MAP3K4: variants seen among roughly 807,000 people sequenced by gnomAD.
MAP3K4 encodes the protein mitogen-activated protein kinase kinase kinase 4.
Under a neutral mutation model 185.6 loss-of-function variants are expected in MAP3K4, and 67 were observed. That is an observed-to-expected ratio of 0.36 (90% CI 0.30 to 0.44). The LOEUF (loss-of-function observed/expected upper bound fraction) is 0.44, where lower values mean the gene tolerates loss of function less well. Ranked by LOEUF, MAP3K4 falls within the 20% of genes least tolerant of loss-of-function variation. MAP3K4 has a pLI of 1.00. For missense variants in MAP3K4, 1,551 were observed against 1,995.1 expected, an observed-to-expected ratio of 0.78 and a Z score of 4.24; for synonymous variants, 702 against 710.4, an observed-to-expected ratio of 0.99 and a Z score of 0.19.
chr6:161,091,106 T>A lies in MAP3K4; in HGVS notation c.2974-273T>A, dbSNP rs947843320. On this transcript the variant is annotated intron_variant, in intron 11 of 26. Transcript: ENST00000392142. This position sits in a 1 kb window ranked among gnomAD's most constrained non-coding sequence, Gnocchi z 5.5. ...TCCAGGAGGAGAAAACAACAGGTGG[T>A]TGATGTATAAAAATATTGAAGATAA... is the stretch of plus-strand genomic sequence containing the variant. Among the ~76,000 whole-genome samples, 3 of 152,174 alleles carry A rather than the reference T, an allele frequency of 2.0e-5. No homozygotes were observed. The highest frequency in any genetic ancestry group is 4.4e-5 in the Non-Finnish European group (3 of 68,038).
chr6:161,041,589 A>G (rs1358250999), intron 2 of MAP3K4, among the ~76,000 whole-genome samples: 4 of 152,222 alleles, frequency 2.6e-5, no homozygotes, highest in African/African-American at 9.6e-5. Flanking sequence ...TTGCAGCAGC[A>G]GCTTTAGATC....
intron 1 of MAP3K4, among the ~76,000 whole-genome samples, chr6:161,016,730 T>G (rs992521854): frequency 6.6e-6 from 1 of 152,354 alleles, no homozygotes. Flanking sequence ...TATCACACTC[T>G]TAATTACCTT....
In MAP3K4 at chr6:161,054,176, C is replaced by CA. The variant is rs1409047523; in HGVS notation, c.1707+4198dup. ...TTTACAAAATAATTTTTTTTTGAGA[C>CA]AGAGTTTCGCTCTTGTTGCCCAGGC... is the stretch of plus-strand genomic sequence containing the variant. On this transcript the variant is annotated intron_variant, in intron 3 of 26. Coordinates refer to ENST00000392142, the MANE Select transcript of MAP3K4 (RefSeq NM_005922.4). The surrounding 1 kb of genome is among the most constrained non-coding windows in gnomAD (Gnocchi z 4.2). Among the ~76,000 whole-genome samples the CA allele has an allele frequency of 6.6e-6, 1 of 152,004 alleles. No individual in the cohort carries two copies. The highest frequency in any genetic ancestry group is 2.4e-5 in the African/African-American group (1 of 41,400).
intron 19 of MAP3K4, among the ~76,000 whole-genome samples, 185 bp downstream of exon 19, chr6:161,102,964 A>G (rs1264095751): frequency 1.3e-5 from 2 of 152,104 alleles, no homozygotes; most frequent in Non-Finnish European, 2.9e-5. Flanking sequence ...TACATTTCCT[A>G]TTTCTAGTAA....
intron 2 of MAP3K4, among the ~76,000 whole-genome samples, chr6:161,035,658 G>A (rs563338664): frequency 9.1e-4 from 138 of 152,256 alleles, no homozygotes; most frequent in Non-Finnish European, 1.7e-3. Context: ...ACTGCAATTT[G>A]TCATCTTGAA....
chr6:161,084,250 A>G lies in MAP3K4; in HGVS notation c.2256-251A>G, dbSNP rs1327157627. 1.3e-5 allele frequency among the ~76,000 whole-genome samples: 2 copies of G among 152,234 alleles called. No homozygotes were observed. Among genetic ancestry groups the G allele is most frequent in the Non-Finnish European group, 2.9e-5 (2 of 68,048 alleles). The stretch of plus-strand genomic sequence containing the variant: ...TTTGTGTACTAATTCCATAGCTACT[A>G]TGAATACAGTTTAAGATTTTAAGGT... On this transcript the variant is annotated intron_variant, in intron 6 of 26. Coordinates refer to ENST00000392142, the MANE Select transcript of MAP3K4 (RefSeq NM_005922.4). This position sits in a 1 kb window ranked among gnomAD's most constrained non-coding sequence, Gnocchi z 4.6.
intron 19 of MAP3K4, among the ~76,000 whole-genome samples, 165 bp downstream of exon 19, chr6:161,102,944 T>C (rs1004033075): frequency 1.3e-5 from 2 of 152,234 alleles, no homozygotes; most frequent in Non-Finnish European, 2.9e-5. Context: ...TATCATGTAC[T>C]GTGTTTGTGT....
rs541706423 is a variant in MAP3K4, at chr6:161,022,278, T to A, written c.153-11981T>A. On this transcript the variant is annotated intron_variant, in intron 1 of 26. Coordinates refer to ENST00000392142, the MANE Select transcript of MAP3K4 (RefSeq NM_005922.4). This position sits in a 1 kb window ranked among gnomAD's most constrained non-coding sequence, Gnocchi z 4.2. ...AGGAGACGATTTCAGTTAGACCTTT[T>A]ATTTGACATATACAGATAAATAAAC... The A allele has an allele frequency of 1.3e-5, 2 of 152,348 alleles. No individual in the cohort carries two copies. The highest frequency in any genetic ancestry group is 2.1e-4 in the South Asian group (1 of 4,828). 9.4% of individuals were successfully genotyped at this position (152,348 alleles called of 1,614,324 possible). A position where few individuals can be genotyped will look rare whatever the true frequency, so the allele number is the denominator to read the frequency against.
At chr6:161,009,727 A>G (rs147330864) in intron 1 of MAP3K4, among the ~76,000 whole-genome samples, 261 of 152,292 alleles carry the variant, frequency 1.7e-3, no homozygotes, top group African/African-American at 5.9e-3. Context: ...ATTTGTGCCA[A>G]TTTCCACCAG....
At chr6:160,993,590 G>T (rs1214548736) in intron 1 of MAP3K4, among the ~76,000 whole-genome samples, 1 of 152,164 alleles carries the variant, frequency 6.6e-6, no homozygotes, top group Non-Finnish European at 1.5e-5. Flanking sequence ...CCACCATGAA[G>T]AATTCATTAT....
At chr6:161,001,094 ATAAT>A (rs1781295958) in intron 1 of MAP3K4, among the ~76,000 whole-genome samples, 1 of 140,768 alleles carries the variant, frequency 7.1e-6, no homozygotes, top group South Asian at 2.2e-4. Context: ...ACATATGTAT[ATAAT>A]ATATAATATA....
chr6:161,041,921 T>C (rs1297863387), intron 2 of MAP3K4, among the ~76,000 whole-genome samples: 1 of 64,462 alleles, frequency 1.6e-5, no homozygotes, highest in Non-Finnish European at 3.3e-5. Flanking sequence ...TCTTTTTTTT[T>C]TTTTCTTTTT....
chr6:161,011,452 AC>A, intron 1 of MAP3K4, among the ~76,000 whole-genome samples: 1 of 152,132 alleles, frequency 6.6e-6, no homozygotes, highest in South Asian at 2.1e-4. Context: ...TTGCCTTTCA[AC>A]CCCCCTCCCT....
chr6:161,025,609 TCC>T (rs1782608258), intron 1 of MAP3K4, among the ~76,000 whole-genome samples: 1 of 152,222 alleles, frequency 6.6e-6, no homozygotes, highest in African/African-American at 2.4e-5. Flanking sequence ...AGCTCATCTG[TCC>T]CCTACAGAGA....
chr6:161,025,305 G>A (rs1280369657), intron 1 of MAP3K4, among the ~76,000 whole-genome samples: 1 of 152,202 alleles, frequency 6.6e-6, no homozygotes, highest in Non-Finnish European at 1.5e-5. Context: ...GAGTGGTATT[G>A]GGAACCAAGA....
chr6:161,116,712 C>A lies in MAP3K4; in HGVS notation c.4807-138C>A. 1 of 686,120 alleles carries A rather than the reference C, an allele frequency of 1.5e-6. No homozygotes were observed. The highest frequency in any genetic ancestry group is 2.5e-6 in the Non-Finnish European group (1 of 393,250). 42.5% of individuals were successfully genotyped at this position (686,120 alleles called of 1,614,324 possible). Reference sequence around the variant, plus strand: ...CCATTGTTCATTACATTTCTTAAGCCTTGCCCTCTGTGCCCAGTACAGTGC... The same window carrying A: ...CCATTGTTCATTACATTTCTTAAGCATTGCCCTCTGTGCCCAGTACAGTGC... On this transcript the variant is annotated intron_variant, in intron 26 of 26. Coordinates refer to ENST00000392142, the MANE Select transcript of MAP3K4 (RefSeq NM_005922.4). This position sits in a 1 kb window ranked among gnomAD's most constrained non-coding sequence, Gnocchi z 6.2.
At chr6:161,031,136 T>C (rs919597038) in intron 1 of MAP3K4, among the ~76,000 whole-genome samples, 8 of 152,236 alleles carry the variant, frequency 5.3e-5, no homozygotes, top group African/African-American at 1.9e-4. Context: ...TAGAAATACT[T>C]TGAAGTCAGT....
At position 161,091,890 on chromosome 6, in the gene MAP3K4, G is replaced by C; in HGVS notation, c.3136-120G>C. The C allele has an allele frequency of 1.2e-6, 1 of 843,196 alleles. No homozygotes were observed. The highest frequency in any genetic ancestry group is 2.5e-5 in the Admixed American group (1 of 40,398). 52.2% of individuals were successfully genotyped at this position (843,196 alleles called of 1,614,324 possible). A position where few individuals can be genotyped will look rare whatever the true frequency, so the allele number is the denominator to read the frequency against. On this transcript the variant is annotated intron_variant, in intron 12 of 26. Coordinates refer to ENST00000392142, the MANE Select transcript of MAP3K4 (RefSeq NM_005922.4). The surrounding 1 kb of genome is among the most constrained non-coding windows in gnomAD (Gnocchi z 5.5). ...AATTCTTCATACTATTCAAAATATA[G>C]AAATTTTAATTGGATTTCACTTTTT...
At chr6:161,052,323 A>T (rs935304115) in intron 3 of MAP3K4, among the ~76,000 whole-genome samples, 1 of 152,220 alleles carries the variant, frequency 6.6e-6, no homozygotes, top group African/African-American at 2.4e-5. Context: ...AAAAGACAGT[A>T]ATAGTTTCCC....
Sources: allele counts gnomAD v4.1 joint callset (sites outside exome capture counted in the v4.1 genomes callset), GRCh38; gene constraint gnomAD v4.1.1; non-coding constraint Gnocchi (gnomAD v3.1); transcripts MANE v1.5; gene names NCBI Gene and HGNC (gene_info 2026-07-23, HGNC 2026-07-21).